Variants in KCNQ5 observed in about 807,000 individuals in gnomAD.
KCNQ5 encodes potassium voltage-gated channel subfamily KQT member 5.
A neutral mutation model predicts 98.2 loss-of-function variants in KCNQ5; 30 were observed. The ratio of observed to expected loss-of-function variants is 0.31; its 90% CI spans 0.23 to 0.41. The LOEUF (loss-of-function observed/expected upper bound fraction) is 0.41, where lower values mean the gene tolerates loss of function less well. Among genes scored for constraint, KCNQ5 ranks in the 10% least tolerant of loss-of-function variants. KCNQ5 has a pLI of 1.00. For missense variants in KCNQ5, 835 were observed against 1,182.5 expected, an observed-to-expected ratio of 0.71 and a Z score of 4.31; for synonymous variants, 458 against 449.4, an observed-to-expected ratio of 1.02 and a Z score of -0.24.
At chr6:72,636,234 A>G (rs1375474728) in intron 1 of KCNQ5, among the ~76,000 whole-genome samples, 1 of 152,208 alleles carries the variant, frequency 6.6e-6, no homozygotes, top group Non-Finnish European at 1.5e-5. Flanking sequence ...AACATAGTTA[A>G]ATATCAGTTA....
chr6:72,951,730 C>A (rs192082066), intron 1 of KCNQ5, among the ~76,000 whole-genome samples: 28 of 152,054 alleles, frequency 1.8e-4, no homozygotes, highest in Admixed American at 3.9e-4. Context: ...AGCTATTTTC[C>A]ACGAAACATC....
At chr6:72,763,986 C>G (rs1011294747) in intron 1 of KCNQ5, among the ~76,000 whole-genome samples, 12 of 151,950 alleles carry the variant, frequency 7.9e-5, no homozygotes, top group African/African-American at 1.9e-4. Flanking sequence ...CCAGTACTCT[C>G]TTTTGTAAAA....
At chr6:72,843,044 T>C (rs989872618) in intron 1 of KCNQ5, among the ~76,000 whole-genome samples, 5 of 152,226 alleles carry the variant, frequency 3.3e-5, no homozygotes, top group African/African-American at 1.2e-4. Context: ...ATTTTAGTCA[T>C]GAAGTCTTTG....
chr6:73,110,436 C>G (rs1775198041), intron 6 of KCNQ5, among the ~76,000 whole-genome samples: 1 of 151,996 alleles, frequency 6.6e-6, no homozygotes, highest in African/African-American at 2.4e-5. Context: ...CATCAAAGAA[C>G]CAGAATTTTG....
Position 73,082,908 on chromosome 6 carries a change from T to G in KCNQ5, c.918+5021T>G, listed in dbSNP as rs887275363. Among the ~76,000 whole-genome samples the G allele has an allele frequency of 1.1e-4, 10 of 88,698 alleles. No homozygotes were observed. In the South Asian group the frequency reaches 1.5e-3, roughly 13 times the overall value. 58.2% of individuals were successfully genotyped at this position (88,698 alleles called of 152,430 possible). Reference sequence around the variant, plus strand: ...AAACCTTTTTTTTTTTTTTTTTTTTTGAGACAGGGTCTCACTCTGTCACAT... The same window carrying G: ...AAACCTTTTTTTTTTTTTTTTTTTTGGAGACAGGGTCTCACTCTGTCACAT... On this transcript the variant is annotated intron_variant, in intron 5 of 13. Coordinates refer to ENST00000370398, the MANE Select transcript of KCNQ5 (RefSeq NM_019842.4).
At chr6:73,169,111 C>G (rs1372330348) in intron 10 of KCNQ5, among the ~76,000 whole-genome samples, 1 of 152,038 alleles carries the variant, frequency 6.6e-6, no homozygotes, top group African/African-American at 2.4e-5. Flanking sequence ...TTATTATAAC[C>G]CTGCTGCCTT....
intron 1 of KCNQ5, among the ~76,000 whole-genome samples, chr6:72,661,640 C>T (rs57822223): frequency 1.3e-5 from 2 of 152,028 alleles, no homozygotes; most frequent in African/African-American, 4.8e-5. Flanking sequence ...GACACACACC[C>T]AATATGTATC....
At chr6:73,068,427 A>G (rs1773160561) in intron 3 of KCNQ5, among the ~76,000 whole-genome samples, 1 of 152,208 alleles carries the variant, frequency 6.6e-6, no homozygotes, top group Admixed American at 6.5e-5. Context: ...TCTAAGACAT[A>G]ATGTTTTGTG....
chr6:72,796,988 G>A (rs1774370341), intron 1 of KCNQ5, among the ~76,000 whole-genome samples: 1 of 152,112 alleles, frequency 6.6e-6, no homozygotes, highest in Non-Finnish European at 1.5e-5. Context: ...ATATAATATT[G>A]CAACTTCTAT....
chr6:72,988,631 G>GA (rs1306421576), intron 1 of KCNQ5, among the ~76,000 whole-genome samples: 1 of 141,342 alleles, frequency 7.1e-6, no homozygotes, highest in East Asian at 2.1e-4. Flanking sequence ...AAAACTTGGG[G>GA]AAAAAAAGCA....
chr6:72,967,038 C>T (rs770510942), intron 1 of KCNQ5, among the ~76,000 whole-genome samples: 22 of 152,136 alleles, frequency 1.4e-4, no homozygotes, highest in South Asian at 1.0e-3. Flanking sequence ...TTCTACTGTA[C>T]TTTTTGTTAC....
intron 5 of KCNQ5, among the ~76,000 whole-genome samples, chr6:73,097,276 A>G: frequency 6.6e-6 from 1 of 150,882 alleles, no homozygotes. Context: ...CTCTTCTACC[A>G]TGGGTTTCAT....
At chr6:72,973,260 TTGGGAGTCA>T (rs1767988223) in intron 1 of KCNQ5, among the ~76,000 whole-genome samples, 1 of 152,118 alleles carries the variant, frequency 6.6e-6, no homozygotes, top group Admixed American at 6.6e-5. Flanking sequence ...ATTTCAAGAT[TTGGGAGTCA>T]TGGGAAATCT....
In KCNQ5 at chr6:73,197,680, G is replaced by A. The variant is rs1306423223; in HGVS notation, c.*2266G>A. ...CTAAAGCCAGACACCTGCCGTGACT[G>A]GGCAGGCTCTCTCCCATTATTAACA... is the stretch of plus-strand genomic sequence containing the variant. On this transcript the variant is annotated 3_prime_UTR_variant, in exon 14 of 14. Coordinates refer to ENST00000370398, the MANE Select transcript of KCNQ5 (RefSeq NM_019842.4). The A allele has an allele frequency of 6.6e-6, 1 of 150,730 alleles. No individual in the cohort carries two copies. Among genetic ancestry groups the A allele is most frequent in the Non-Finnish European group, 1.5e-5 (1 of 68,528 alleles). 9.3% of individuals were successfully genotyped at this position (150,730 alleles called of 1,614,324 possible).
At chr6:73,061,906 G>GA (rs1412443035) in intron 3 of KCNQ5, among the ~76,000 whole-genome samples, 3 of 151,950 alleles carry the variant, frequency 2.0e-5, no homozygotes, top group South Asian at 4.1e-4. Flanking sequence ...CCTACAATCA[G>GA]AAAAAAATTA....
intron 1 of KCNQ5, among the ~76,000 whole-genome samples, chr6:72,963,212 T>A (rs1360975419): frequency 6.6e-6 from 1 of 152,224 alleles, no homozygotes; most frequent in Non-Finnish European, 1.5e-5. Context: ...TAAAATATTT[T>A]AAATGGCTCC....
intron 1 of KCNQ5, among the ~76,000 whole-genome samples, chr6:72,752,239 G>GTT (rs1205121698): frequency 6.6e-6 from 1 of 152,084 alleles, no homozygotes; most frequent in East Asian, 1.9e-4. Flanking sequence ...CAAAACGTTA[G>GTT]TTACAAACTA....
intron 3 of KCNQ5, among the ~76,000 whole-genome samples, chr6:73,075,437 G>A (rs1466182211): frequency 6.6e-6 from 1 of 152,048 alleles, no homozygotes. Flanking sequence ...TGGCCAGGAT[G>A]GTCTCGATCT....
chr6:72,929,324 G>A (rs1320104924), intron 1 of KCNQ5, among the ~76,000 whole-genome samples: 2 of 152,052 alleles, frequency 1.3e-5, no homozygotes, highest in Non-Finnish European at 2.9e-5. Context: ...TTAAAGTTCG[G>A]TGGAATAAGA....
Sources: allele counts gnomAD v4.1 joint callset (sites outside exome capture counted in the v4.1 genomes callset), GRCh38; gene constraint gnomAD v4.1.1; transcripts MANE v1.5; gene names NCBI Gene and HGNC (gene_info 2026-07-23, HGNC 2026-07-21).